The following LLGL1 variants were observed in gnomAD, a reference collection of about 807,000 sequenced individuals.
The protein encoded by LLGL1 is lethal(2) giant larvae protein homolog 1.
Under a neutral mutation model 110.6 loss-of-function variants are expected in LLGL1, and 58 were observed. The observed-to-expected ratio is 0.52, with a 90% CI of 0.42 to 0.65. The LOEUF (loss-of-function observed/expected upper bound fraction) is 0.65, where lower values mean the gene tolerates loss of function less well. LLGL1 is among the 30% of genes least tolerant of loss of function. The pLI is 0.00. For synonymous variants in LLGL1, 674 were observed against 607.2 expected (o/e 1.11, Z -1.62); for missense variants, 1,229 against 1,462.1 (o/e 0.84, Z 2.60).
Position 18,236,719 on chromosome 17 carries a change from C to A in LLGL1, c.1465C>A (p.Leu489Met). Residue 489 changes from leucine (L) to methionine (M), a missense_variant, in exon 12 of 23, where the codon CTG (leucine) becomes ATG (methionine). Coordinates refer to ENST00000316843, the MANE Select transcript of LLGL1 (RefSeq NM_004140.4). The part of the protein sequence containing the change: ...FQTDCEHADS[L>M]AQAAEDDWPP... ...GACAGACTGTGAGCACGCTGACAGC[C>A]TGGCCCAGGCTGCCGAGGACGACTG... The A allele has an allele frequency of 6.2e-7, 1 of 1,612,496 alleles. No individual in the cohort carries two copies.
rs376365377 is a variant in LLGL1 at position 18,233,968 on chromosome 17, T to C, written c.551+32T>C. 4.9e-5 allele frequency: 78 copies of C among 1,599,904 alleles called. No homozygotes were observed. In the African/African-American group the frequency reaches 8.2e-4, roughly 17 times the overall value. ...GGCCGGTGGGCTTCCCAGCACCCACTGTGTGCCCGGGAAGTTCTGCTGGCT... is the reference window on the plus strand; with the variant it reads ...GGCCGGTGGGCTTCCCAGCACCCACCGTGTGCCCGGGAAGTTCTGCTGGCT... On this transcript the variant is annotated intron_variant, in intron 5 of 22. Coordinates refer to ENST00000316843, the MANE Select transcript of LLGL1 (RefSeq NM_004140.4).
chr17:18,237,753 C>T lies in LLGL1; in HGVS notation c.1884C>T (p.Arg628=). Residue 628 remains arginine (R), a synonymous_variant, in exon 14 of 23, where the codon CGC becomes CGT. Coordinates refer to ENST00000316843, the MANE Select transcript of LLGL1 (RefSeq NM_004140.4). ...GCTTTGGCCTCTTCGACTACCAGCG[C>T]AAGAGCCCTGTGCTGGCCAGGTGTG... ...SHGFGLFDYQ[R]KSPVLARCTL... is the part of the protein sequence containing the mutation. 6.2e-7 allele frequency: 1 copy of T among 1,609,648 alleles called. No individual in the cohort carries two copies. The highest frequency in any genetic ancestry group is 8.5e-7 in the Non-Finnish European group (1 of 1,177,766).
intron 1 of LLGL1, among the ~76,000 whole-genome samples, chr17:18,226,112 C>A (rs1460940280): frequency 6.6e-6 from 1 of 152,074 alleles, no homozygotes; most frequent in Non-Finnish European, 1.5e-5. Context: ...GGCTGTCTCG[C>A]CCCAGTTGTG....
At chr17:18,238,672 C>T (rs1265672577) in intron 16 of LLGL1, 63 bp downstream of exon 16, 3 of 1,509,356 alleles carry the variant, frequency 2.0e-6, no homozygotes, top group Non-Finnish European at 2.7e-6. Context: ...AATTGGCCAC[C>T]TGGGAGATGG....
At chr17:18,226,436 G>A (rs943759683) in intron 1 of LLGL1, among the ~76,000 whole-genome samples, 1 of 152,152 alleles carries the variant, frequency 6.6e-6, no homozygotes, top group African/African-American at 2.4e-5. Context: ...GGCAGCTGTG[G>A]GGGGTGCGGC....
At chr17:18,229,896 G>C in intron 1 of LLGL1, 45 bp from the exon 2 acceptor site, 2 of 1,420,882 alleles carry the variant, frequency 1.4e-6, no homozygotes, top group Non-Finnish European at 1.9e-6. Flanking sequence ...CCATGGCAGA[G>C]GTGCCTGGGA....
rs747641004 is a variant in LLGL1 at position 18,238,497 on chromosome 17, C to T, written c.2094C>T (p.Pro698=). 3 of 1,612,376 alleles carry T rather than the reference C, an allele frequency of 1.9e-6. No homozygotes were observed. The highest frequency in any genetic ancestry group is 2.5e-6 in the Non-Finnish European group (3 of 1,179,944). Residue 698 remains proline, a synonymous_variant, in exon 16 of 23, where the codon CCC becomes CCT. Transcript: ENST00000316843. ...CACAGCTGGCTGAGCAGGCCTGCCC[C>T]CACGACGTGGAGATGACGCCCGTGC... is the stretch of plus-strand genomic sequence containing the variant. ...ANAQLAEQAC[P]HDVEMTPVQR... is the part of the protein sequence containing the mutation.
intron 1 of LLGL1, among the ~76,000 whole-genome samples, chr17:18,227,862 G>T (rs1158230917): frequency 2.6e-5 from 4 of 152,182 alleles, no homozygotes; most frequent in African/African-American, 9.7e-5. Flanking sequence ...TTGGGGAAGG[G>T]ACTTAGTCAC....
chr17:18,226,701 G>A (rs1404602598), intron 1 of LLGL1, among the ~76,000 whole-genome samples: 7 of 152,246 alleles, frequency 4.6e-5, no homozygotes, highest in Admixed American at 3.9e-4. Context: ...GTGAGGTGGA[G>A]GCTTTTCCTT....
At chr17:18,238,895 C>T (rs1422776434) in intron 16 of LLGL1, among the ~76,000 whole-genome samples, 1 of 152,184 alleles carries the variant, frequency 6.6e-6, no homozygotes, top group Non-Finnish European at 1.5e-5. Flanking sequence ...CCTGTAATCC[C>T]AGCTACTTGG....
In LLGL1 at chr17:18,237,545, T is replaced by A. The variant is rs1359446937; in HGVS notation, c.1676T>A (p.Leu559His). The A allele has an allele frequency of 6.2e-7, 1 of 1,607,622 alleles. No homozygotes were observed. Reference protein sequence around the residue: ...EQAVSVAIIDLLQDREGFTWK... With the variant: ...EQAVSVAIIDHLQDREGFTWK... ...GCGGTCAGCGTGGCCATCATAGACC[T>A]CCTCCAGGACCGCGAGGGCTTCACA... Residue 559 changes from leucine to histidine, a missense_variant, in exon 14 of 23, where the codon CTC (leucine) becomes CAC (histidine). By Grantham distance (99) the Leu-to-His change is moderately conservative. Transcript: ENST00000316843.
At position 18,229,936 on chromosome 17, in the gene LLGL1, T is replaced by TG. The variant is rs759475436; in HGVS notation, c.82-4dup. ...TTACCCCCAGCAGCCCTCCCCTCCT[T>TG]GCAGACTGTGGAGCATGGCTTCCCC... On this transcript the variant is annotated splice_polypyrimidine_tract_variant and splice_region_variant and intron_variant, in intron 1 of 22. Coordinates refer to ENST00000316843, the MANE Select transcript of LLGL1 (RefSeq NM_004140.4). 4.4e-6 allele frequency: 7 copies of TG among 1,604,294 alleles called. No individual in the cohort carries two copies. Among genetic ancestry groups the TG allele is most frequent in the Non-Finnish European group, 6.0e-6 (7 of 1,176,350 alleles).
chr17:18,237,374 A>T (rs1902923525), intron 13 of LLGL1, 107 bp from the exon 14 acceptor site: 1 of 1,128,002 alleles, frequency 8.9e-7, no homozygotes, highest in African/African-American at 1.6e-5. Flanking sequence ...ACAGTCCTAG[A>T]ACCACCTTGG....
intron 2 of LLGL1, among the ~76,000 whole-genome samples, 168 bp downstream of exon 2, chr17:18,230,206 G>C (rs2047537234): frequency 6.6e-6 from 1 of 152,184 alleles, no homozygotes; most frequent in Admixed American, 6.5e-5. Flanking sequence ...TTCTGTACCT[G>C]AGACAACTGT....
intron 11 of LLGL1, 91 bp downstream of exon 11, chr17:18,235,628 C>G: frequency 7.7e-7 from 1 of 1,303,328 alleles, no homozygotes; most frequent in Non-Finnish European, 1.1e-6. Context: ...TGCCAGGAGA[C>G]TCAGGCCTGG....
intron 22 of LLGL1, among the ~76,000 whole-genome samples, 157 bp downstream of exon 22, chr17:18,242,979 A>G (rs9896725): frequency 2.0e-5 from 3 of 152,204 alleles, no homozygotes; most frequent in African/African-American, 4.8e-5. Flanking sequence ...GAGTGCCTCA[A>G]TTGGGGACTT....
At position 18,232,479 on chromosome 17, in the gene LLGL1, G is replaced by C; in HGVS notation, c.180-16G>C. The C allele has an allele frequency of 6.2e-7, 1 of 1,611,238 alleles. No individual in the cohort carries two copies. The highest frequency in any genetic ancestry group is 1.1e-5 in the South Asian group (1 of 90,696). On this transcript the variant is annotated splice_polypyrimidine_tract_variant and intron_variant, in intron 2 of 22. Transcript: ENST00000316843. ...GCTGGTCTATGCCTATTTCCACCTTGACCTGCCACCCTCAGCTATGGTGCA... is the reference window on the plus strand; with the variant it reads ...GCTGGTCTATGCCTATTTCCACCTTCACCTGCCACCCTCAGCTATGGTGCA...
At chr17:18,226,595 C>T (rs190288510) in intron 1 of LLGL1, among the ~76,000 whole-genome samples, 105 of 152,362 alleles carry the variant, frequency 6.9e-4, no homozygotes, top group African/African-American at 2.5e-3. Flanking sequence ...CCTCAGTTTC[C>T]CTAGCTGTGA....
At position 18,240,972 on chromosome 17, in the gene LLGL1, TC is replaced by T. The variant is rs1295307778; in HGVS notation, c.2502+104del. The T allele has an allele frequency of 4.0e-6, 5 of 1,259,338 alleles. No individual in the cohort carries two copies. The highest frequency in any genetic ancestry group is 3.0e-5 in the African/African-American group (2 of 66,040). 78.0% of individuals were successfully genotyped at this position (1,259,338 alleles called of 1,614,324 possible). On this transcript the variant is annotated intron_variant, in intron 17 of 22. Coordinates refer to ENST00000316843, the MANE Select transcript of LLGL1 (RefSeq NM_004140.4). This position sits in a 1 kb window ranked among gnomAD's most constrained non-coding sequence, Gnocchi z 5.3. ...CCTCAAGAAACCCTTCCTGCCTGTA[TC>T]CCCCACTGTTGGGACCCTAATTCCC...
Sources: allele counts gnomAD v4.1 joint callset (sites outside exome capture counted in the v4.1 genomes callset), GRCh38; gene constraint gnomAD v4.1.1; non-coding constraint Gnocchi (gnomAD v3.1); transcripts MANE v1.5; gene names NCBI Gene and HGNC (gene_info 2026-07-23, HGNC 2026-07-21).